The following MICU1 variants were observed in gnomAD, a reference collection of about 807,000 sequenced individuals.
MICU1 encodes the protein mitochondrial calcium uptake 1.
Under a neutral mutation model 56.8 loss-of-function variants are expected in MICU1, and 45 were observed. The observed-to-expected ratio is 0.79, with a 90% CI of 0.62 to 1.02. The LOEUF is 1.02. MICU1 is among the 50% of genes least tolerant of loss of function. The pLI, the probability that MICU1 is intolerant of heterozygous loss-of-function variation, is 0.00. For missense variants in MICU1, 504 were observed against 587.1 expected (o/e 0.86, Z 1.46); for synonymous variants, 186 against 195.1 (o/e 0.95, Z 0.39).
chr10:72,456,849 T>TTGTGTGTGTGTGTGTGTGTG (rs56262647), intron 8 of MICU1, among the ~76,000 whole-genome samples: 2 of 134,548 alleles, frequency 1.5e-5, no homozygotes, highest in South Asian at 2.5e-4. Flanking sequence ...CGGGCTCATT[T>TTGTGTGTGTGTGTGTGTGTG]TGTGTGTGTG....
At chr10:72,423,168 C>A in intron 9 of MICU1, 66 bp downstream of exon 9, 1 of 1,542,006 alleles carries the variant, frequency 6.5e-7, no homozygotes, top group East Asian at 2.3e-5. Context: ...ATGTTAATAC[C>A]TTCATATTAA....
At position 72,533,728 on chromosome 10, in the gene MICU1, G is replaced by A; in HGVS notation, c.537+18C>T. 6.4e-7 allele frequency: 1 copy of A among 1,573,248 alleles called. No individual in the cohort carries two copies. Among genetic ancestry groups the A allele is most frequent in the South Asian group, 1.1e-5 (1 of 87,806 alleles). On this transcript the variant is annotated intron_variant, in intron 5 of 11. Transcript: ENST00000361114. Reference sequence around the variant, plus strand: ...TAAATGATAGGATATATGTATAGAAGTGTCATAGTTTGCTCACCTTTCCAT... The same window carrying A: ...TAAATGATAGGATATATGTATAGAAATGTCATAGTTTGCTCACCTTTCCAT...
At chr10:72,421,232 A>C (rs1175880033) in intron 9 of MICU1, among the ~76,000 whole-genome samples, 1 of 151,150 alleles carries the variant, frequency 6.6e-6, no homozygotes, top group Non-Finnish European at 1.5e-5. Flanking sequence ...ATTCAGTCCT[A>C]TCATCTTTTC....
At chr10:72,370,339 C>T (rs1364950097) in intron 11 of MICU1, among the ~76,000 whole-genome samples, 1 of 152,140 alleles carries the variant, frequency 6.6e-6, no homozygotes, top group African/African-American at 2.4e-5. Flanking sequence ...CACAAACCTA[C>T]CTCTACTCAT....
At chr10:72,615,228 G>A (rs565692296) in intron 1 of MICU1, among the ~76,000 whole-genome samples, 3 of 152,032 alleles carry the variant, frequency 2.0e-5, no homozygotes, top group Non-Finnish European at 4.4e-5. Flanking sequence ...AGTGATACTT[G>A]TGCCTCAGCC....
At chr10:72,482,927 C>T (rs557412805) in intron 6 of MICU1, among the ~76,000 whole-genome samples, 1 of 151,790 alleles carries the variant, frequency 6.6e-6, no homozygotes, top group East Asian at 1.9e-4. Context: ...GTGATTTTGG[C>T]TCACTGCAAC....
chr10:72,499,546 A>G (rs1214100512), intron 6 of MICU1, among the ~76,000 whole-genome samples: 1 of 152,220 alleles, frequency 6.6e-6, no homozygotes, highest in South Asian at 2.1e-4. Flanking sequence ...CTCATAGGCT[A>G]AAATAACACT....
chr10:72,373,331 A>G (rs1232645837), intron 11 of MICU1, among the ~76,000 whole-genome samples: 1 of 151,806 alleles, frequency 6.6e-6, no homozygotes, highest in Non-Finnish European at 1.5e-5. Flanking sequence ...TGCACACACT[A>G]CCACACCTTG....
At chr10:72,555,852 G>C (rs1000390695) in intron 3 of MICU1, among the ~76,000 whole-genome samples, 2 of 152,174 alleles carry the variant, frequency 1.3e-5, no homozygotes, top group Non-Finnish European at 2.9e-5. Flanking sequence ...GAGGATAGGG[G>C]AAGAATGGGC....
chr10:72,492,151 A>T (rs912648742), intron 6 of MICU1, among the ~76,000 whole-genome samples: 1 of 152,144 alleles, frequency 6.6e-6, no homozygotes, highest in Admixed American at 6.6e-5. Flanking sequence ...GGGTCCTTGT[A>T]GGCCACTGTA....
intron 6 of MICU1, among the ~76,000 whole-genome samples, chr10:72,500,280 A>ATATATT (rs1554881679): frequency 3.8e-4 from 9 of 23,476 alleles, no homozygotes; most frequent in African/African-American, 1.2e-3. Context: ...ATATATATAT[A>ATATATT]TATATATATA....
chr10:72,479,316 C>T (rs1196680080), intron 6 of MICU1, among the ~76,000 whole-genome samples: 1 of 152,206 alleles, frequency 6.6e-6, no homozygotes, highest in Non-Finnish European at 1.5e-5. Context: ...AACACACACT[C>T]TTCATGCTGA....
chr10:72,400,016 C>T (rs1236089742), intron 10 of MICU1, among the ~76,000 whole-genome samples: 2 of 152,132 alleles, frequency 1.3e-5, no homozygotes, highest in African/African-American at 4.8e-5. Flanking sequence ...AGATTTTTCC[C>T]CCTTCCAACT....
Position 72,530,217 on chromosome 10 carries a change from G to A in MICU1, c.537+3529C>T, listed in dbSNP as rs191682232. ...GTGGTGGTGGATGCCTGTAATCCCA[G>A]CTACTCAGAAGGCTGAGGCAGGAGA... On this transcript the variant is annotated intron_variant, in intron 5 of 11. Coordinates refer to ENST00000361114, the MANE Select transcript of MICU1 (RefSeq NM_001195518.2). Among the ~76,000 whole-genome samples the A allele has an allele frequency of 6.8e-3, 1,024 of 151,240 alleles. 17 individuals carry two copies. The highest frequency in any genetic ancestry group is 0.024 in the African/African-American group (984 of 41,336).
intron 8 of MICU1, among the ~76,000 whole-genome samples, chr10:72,454,699 C>T (rs549114617): frequency 6.7e-6 from 1 of 149,538 alleles, no homozygotes; most frequent in African/African-American, 2.5e-5. Flanking sequence ...AGGAGAATTG[C>T]TTGAACTTGG....
chr10:72,590,118 AT>A (rs961715717), intron 1 of MICU1, among the ~76,000 whole-genome samples: 3 of 151,786 alleles, frequency 2.0e-5, no homozygotes, highest in Admixed American at 6.6e-5. Context: ...GGCAAAACAG[AT>A]TTTTTTTTAA....
intron 1 of MICU1, among the ~76,000 whole-genome samples, chr10:72,568,681 T>C (rs1040960526): frequency 2.6e-5 from 4 of 151,950 alleles, no homozygotes; most frequent in Non-Finnish European, 4.4e-5. Context: ...GATTTGGGTG[T>C]TGTTTGTTGC....
At chr10:72,601,599 A>C (rs1024350618) in intron 1 of MICU1, among the ~76,000 whole-genome samples, 1 of 151,968 alleles carries the variant, frequency 6.6e-6, no homozygotes, top group Non-Finnish European at 1.5e-5. Context: ...CTACAACAAA[A>C]GACAGATTAA....
chr10:72,475,331 A>G, intron 7 of MICU1, 34 bp from the exon 8 acceptor site: 1 of 1,523,860 alleles, frequency 6.6e-7, no homozygotes, highest in Non-Finnish European at 8.9e-7. Context: ...CCAGAAAAAT[A>G]TTAGGAAGTG....
Sources: allele counts gnomAD v4.1 joint callset (sites outside exome capture counted in the v4.1 genomes callset), GRCh38; gene constraint gnomAD v4.1.1; transcripts MANE v1.5; gene names NCBI Gene and HGNC (gene_info 2026-07-23, HGNC 2026-07-21).